The following SLC4A7 variants were observed in gnomAD, a reference collection of about 807,000 sequenced individuals.
SLC4A7 encodes the protein sodium bicarbonate cotransporter 3.
SLC4A7 carries 51 observed loss-of-function variants against 137.6 expected under a neutral mutation model. The ratio of observed to expected loss-of-function variants is 0.37; its 90% CI spans 0.30 to 0.47. The LOEUF is 0.47. Ranked by LOEUF, SLC4A7 falls within the 20% of genes least tolerant of loss-of-function variation. SLC4A7 has a pLI of 1.00. For missense variants in SLC4A7, 1,247 were observed against 1,525.4 expected (o/e 0.82, Z 3.04); for synonymous variants, 542 against 518.6 (o/e 1.05, Z -0.61).
intron 1 of SLC4A7, among the ~76,000 whole-genome samples, chr3:27,469,627 C>A (rs762787491): frequency 6.6e-6 from 1 of 152,102 alleles, no homozygotes; most frequent in Non-Finnish European, 1.5e-5. Context: ...GTGGCACATG[C>A]CTGTAATACC....
intron 8 of SLC4A7, chr3:27,422,786 G>A (rs1048787340): frequency 2.2e-6 from 1 of 455,662 alleles, no homozygotes; most frequent in African/African-American, 2.0e-5. Context: ...CTTACAGCGG[G>A]CCTCTTGAGT....
chr3:27,481,797 T>C (rs1365614455), intron 1 of SLC4A7, among the ~76,000 whole-genome samples: 2 of 152,198 alleles, frequency 1.3e-5, no homozygotes, highest in Non-Finnish European at 2.9e-5. Flanking sequence ...CAGTGTTTAA[T>C]AATTCCTTTG....
At chr3:27,466,134 T>A (rs912324488) in intron 1 of SLC4A7, among the ~76,000 whole-genome samples, 3 of 151,824 alleles carry the variant, frequency 2.0e-5, no homozygotes, top group African/African-American at 7.3e-5. Flanking sequence ...AGAGGGCCCA[T>A]GTTTTCTCTT....
At chr3:27,469,823 T>C (rs368611993) in intron 1 of SLC4A7, among the ~76,000 whole-genome samples, 1 of 152,230 alleles carries the variant, frequency 6.6e-6, no homozygotes, top group African/African-American at 2.4e-5. Flanking sequence ...GATGATACAG[T>C]TGATAGTCTT....
intron 20 of SLC4A7, among the ~76,000 whole-genome samples, chr3:27,392,960 G>A: frequency 6.6e-6 from 1 of 152,034 alleles, no homozygotes; most frequent in Admixed American, 6.6e-5. Context: ...CCAATATAAT[G>A]ATATGAAAAA....
At chr3:27,449,535 C>A (rs1410450874) in intron 2 of SLC4A7, among the ~76,000 whole-genome samples, 1 of 151,440 alleles carries the variant, frequency 6.6e-6, no homozygotes, top group Non-Finnish European at 1.5e-5. Context: ...AGGTTAGAAA[C>A]TGTCAGATTA....
Position 27,385,895 on chromosome 3 carries a change from T to C in SLC4A7, c.3489A>G (p.Lys1163=), listed in dbSNP as rs1384300220. 5.8e-6 allele frequency: 9 copies of C among 1,544,844 alleles called. No individual in the cohort carries two copies. Among genetic ancestry groups the C allele is most frequent in the Non-Finnish European group, 8.0e-6 (9 of 1,126,776 alleles). ...TTTAAAATTGTTATCTTTTTACCTC[T>C]TTCTCTTTTTTCTTTTTGTCATCTT... ...KKEDDKKKKE[K]EEAERMLQDD... Residue 1163 remains lysine, a synonymous_variant, in exon 23 of 26, where the codon AAA becomes AAG. Coordinates refer to ENST00000454389, the MANE Select transcript of SLC4A7 (RefSeq NM_001321103.2).
At chr3:27,455,647 G>A (rs534820240) in intron 1 of SLC4A7, among the ~76,000 whole-genome samples, 16 of 140,894 alleles carry the variant, frequency 1.1e-4, no homozygotes, top group Non-Finnish European at 2.1e-4. Context: ...GGAGGCCGAA[G>A]CAGGCAGATC....
Position 27,426,389 on chromosome 3 carries a change from A to G in SLC4A7, c.1151-2237T>C, listed in dbSNP as rs879448375. ...TCCTTGCTCAAGAGATAAAAAGTTA[A>G]CCAGTGTTTTTCAGTGACTTCCAAC... On this transcript the variant is annotated intron_variant, in intron 7 of 25. Coordinates refer to ENST00000454389, the MANE Select transcript of SLC4A7 (RefSeq NM_001321103.2). Among the ~76,000 whole-genome samples the G allele has an allele frequency of 4.2e-4, 64 of 152,196 alleles. 1 individual carries two copies. Among genetic ancestry groups the G allele is most frequent in the Non-Finnish European group, 3.8e-4 (26 of 68,042 alleles).
intron 1 of SLC4A7, among the ~76,000 whole-genome samples, chr3:27,459,031 G>A (rs1415437935): frequency 6.6e-6 from 1 of 151,914 alleles, no homozygotes; most frequent in South Asian, 2.1e-4. Flanking sequence ...ATTCCAAAAT[G>A]ACCTCTTGAA....
Position 27,409,420 on chromosome 3 carries a change from C to T in SLC4A7, c.1877G>A (p.Cys626Tyr). The part of the protein sequence containing the change: ...QCLASILFLY[C>Y]ACMSPVITFG... ...AGTGATTACAGGAGACATACAGGCA[C>T]AGTATAGGAAAAGAATCGAGGCCAG... The change falls in exon 13 of 26, where the codon TGT (cysteine) becomes TAT (tyrosine). Residue 626 changes from cysteine to tyrosine, a missense_variant. Cys to Tyr is a radical substitution (Grantham distance 194). This residue lies in a region of SLC4A7 where 499 missense variants were observed against 664.2 expected (regional missense o/e 0.75). Coordinates refer to ENST00000454389, the MANE Select transcript of SLC4A7 (RefSeq NM_001321103.2). 3 of 1,613,788 alleles carry T rather than the reference C, an allele frequency of 1.9e-6. No individual in the cohort carries two copies. The highest frequency in any genetic ancestry group is 2.5e-6 in the Non-Finnish European group (3 of 1,179,824).
At position 27,374,914 on chromosome 3, in the gene SLC4A7, T is replaced by C. The variant is rs2049798506; in HGVS notation, c.*1850A>G. ...TACAAATAAAAAGGAATCATTACAATGGAAGCTCATAAACAATAATAAGCA... is the reference window on the plus strand; with the variant it reads ...TACAAATAAAAAGGAATCATTACAACGGAAGCTCATAAACAATAATAAGCA... On this transcript the variant is annotated 3_prime_UTR_variant, in exon 26 of 26. Transcript: ENST00000454389. 1 of 152,474 alleles carries C rather than the reference T, an allele frequency of 6.6e-6. No homozygotes were observed. The highest frequency in any genetic ancestry group is 1.5e-5 in the Non-Finnish European group (1 of 67,892). The allele number at this position is 152,474 out of a possible 1,614,324, so 9.4% of individuals were successfully genotyped here. A position where few individuals can be genotyped will look rare whatever the true frequency, so the allele number is the denominator to read the frequency against.
chr3:27,402,483 T>A lies in SLC4A7; in HGVS notation c.2321+656A>T, dbSNP rs937241117. Among the ~76,000 whole-genome samples, 6 of 152,252 alleles carry A rather than the reference T, an allele frequency of 3.9e-5. No individual in the cohort carries two copies. In the East Asian group the frequency reaches 1.2e-3, roughly 30 times the overall value. On this transcript the variant is annotated intron_variant, in intron 15 of 25. Transcript: ENST00000454389. The stretch of plus-strand genomic sequence containing the variant: ...GGGAGGCCGAGGCAGGTGGATCACC[T>A]GAGGTCAGGAGTTTGAGACCAGCCT...
intron 20 of SLC4A7, 72 bp downstream of exon 20, chr3:27,394,446 T>C (rs1210064296): frequency 6.2e-6 from 8 of 1,295,256 alleles, no homozygotes; most frequent in East Asian, 4.6e-5. Flanking sequence ...TATATTTTAA[T>C]GTTTCATGTT....
intron 3 of SLC4A7, among the ~76,000 whole-genome samples, chr3:27,437,731 A>T (rs1253863341): frequency 6.6e-6 from 1 of 152,120 alleles, no homozygotes; most frequent in African/African-American, 2.4e-5. Flanking sequence ...CAGAAAGATA[A>T]TCTCTATAGA....
intron 1 of SLC4A7, among the ~76,000 whole-genome samples, chr3:27,480,006 A>G (rs1190026910): frequency 6.6e-6 from 1 of 152,224 alleles, no homozygotes; most frequent in African/African-American, 2.4e-5. Context: ...GTTGACAATT[A>G]TAACTAGCAA....
At chr3:27,385,066 A>G (rs2050799744) in intron 23 of SLC4A7, among the ~76,000 whole-genome samples, 2 of 152,202 alleles carry the variant, frequency 1.3e-5, no homozygotes, top group Admixed American at 6.5e-5. Flanking sequence ...CTAGTTAAAG[A>G]ATTTTAATTT....
chr3:27,471,603 C>T (rs1404829695), intron 1 of SLC4A7, among the ~76,000 whole-genome samples: 1 of 152,154 alleles, frequency 6.6e-6, no homozygotes, highest in East Asian at 1.9e-4. Flanking sequence ...AACTCCTGAC[C>T]TCAGGTGATC....
intron 20 of SLC4A7, 66 bp from the exon 21 acceptor site, chr3:27,391,874 T>A: frequency 1.2e-6 from 1 of 862,274 alleles, no homozygotes; most frequent in Non-Finnish European, 1.8e-6. Context: ...AATCAGTGAG[T>A]AATTATAGGG....
Sources: gnomAD v4.1 joint callset for allele counts (sites outside exome capture counted in the v4.1 genomes callset) on GRCh38, gnomAD v4.1.1 for gene constraint, gnomAD v4.1.1 regional missense constraint, MANE v1.5 for transcripts, NCBI Gene and HGNC (gene_info 2026-07-23, HGNC 2026-07-21) for gene names.